The following FOXP1 variants were observed in gnomAD, a reference collection of about 807,000 sequenced individuals.
The protein encoded by FOXP1 is forkhead box P1.
A neutral mutation model predicts 98.2 loss-of-function variants in FOXP1; 15 were observed. The observed-to-expected ratio is 0.15, with a 90% CI of 0.10 to 0.24. The LOEUF (loss-of-function observed/expected upper bound fraction) is 0.24. Ranked by LOEUF, FOXP1 falls within the 10% of genes least tolerant of loss-of-function variation. The pLI, the probability that FOXP1 is intolerant of heterozygous loss-of-function variation, is 1.00. For synonymous variants in FOXP1, 371 were observed against 314.5 expected, an observed-to-expected ratio of 1.18 and a Z score of -1.90; for missense variants, 633 against 848.5, an observed-to-expected ratio of 0.75 and a Z score of 3.15.
At chr3:71,089,968 C>T (rs2055611918) in intron 7 of FOXP1, among the ~76,000 whole-genome samples, 1 of 152,150 alleles carries the variant, frequency 6.6e-6, no homozygotes, top group Admixed American at 6.5e-5. Context: ...ATTGCTTGAA[C>T]TTCTGATTTT....
At chr3:71,437,671 T>C (rs1179831911) in intron 3 of FOXP1, among the ~76,000 whole-genome samples, 1 of 152,068 alleles carries the variant, frequency 6.6e-6, no homozygotes, top group Non-Finnish European at 1.5e-5. Flanking sequence ...CCACCCAGCA[T>C]AAAACGCAAG....
intron 5 of FOXP1, among the ~76,000 whole-genome samples, chr3:71,223,638 T>A (rs1482248092): frequency 7.2e-6 from 1 of 138,644 alleles, no homozygotes; most frequent in African/African-American, 2.8e-5. Context: ...GAGCTTGCAG[T>A]GAGTAGAGAT....
chr3:71,500,249 C>T (rs570555932), intron 2 of FOXP1, among the ~76,000 whole-genome samples: 46 of 152,346 alleles, frequency 3.0e-4, no homozygotes, highest in African/African-American at 1.1e-3. Context: ...TGGGGAATTA[C>T]GTAATTACTT....
intron 6 of FOXP1, among the ~76,000 whole-genome samples, chr3:71,155,607 CT>C (rs1266304923): frequency 2.6e-5 from 4 of 152,214 alleles, no homozygotes; most frequent in Admixed American, 6.5e-5. Context: ...CTAAACAGCA[CT>C]GAAAGAAATC....
At chr3:71,426,479 G>A (rs2084167366) in intron 3 of FOXP1, among the ~76,000 whole-genome samples, 2 of 152,102 alleles carry the variant, frequency 1.3e-5, no homozygotes, top group East Asian at 3.9e-4. Flanking sequence ...TGGAATGAAT[G>A]CACAGGATAA....
intron 6 of FOXP1, among the ~76,000 whole-genome samples, chr3:71,121,442 C>T (rs1311517884): frequency 6.6e-6 from 1 of 151,440 alleles, no homozygotes; most frequent in Non-Finnish European, 1.5e-5. Flanking sequence ...TGACTACAAA[C>T]AGTCAGGAAG....
intron 5 of FOXP1, among the ~76,000 whole-genome samples, chr3:71,264,224 G>A (rs2069428950): frequency 6.6e-6 from 1 of 152,166 alleles, no homozygotes; most frequent in Non-Finnish European, 1.5e-5. Flanking sequence ...CCAAGATCAA[G>A]CCATCCATGT....
intron 14 of FOXP1, among the ~76,000 whole-genome samples, chr3:70,984,985 T>C (rs1003037215): frequency 7.9e-5 from 12 of 152,224 alleles, no homozygotes; most frequent in African/African-American, 1.9e-4. Context: ...GGTTGGATGA[T>C]TGGATACAGC....
chr3:71,076,056 G>A (rs985133169), intron 7 of FOXP1, among the ~76,000 whole-genome samples: 41 of 152,138 alleles, frequency 2.7e-4, no homozygotes, highest in Non-Finnish European at 4.4e-5. Context: ...TCTGCCCCAA[G>A]TGTCAAGAAC....
chr3:71,193,646 G>C (rs2063134068), intron 6 of FOXP1, among the ~76,000 whole-genome samples: 1 of 151,590 alleles, frequency 6.6e-6, no homozygotes, highest in Non-Finnish European at 1.5e-5. Context: ...ATGGGGTTTT[G>C]CCATGTTGGC....
chr3:71,396,918 GTA>G lies in FOXP1; in HGVS notation c.-167-37676_-167-37675del, dbSNP rs1157468185. ...AGTCATAAGGAACATATATATGTGTGTATATATATATATATACACATATATAT... is the reference window on the plus strand; with the variant it reads ...AGTCATAAGGAACATATATATGTGTGTATATATATATATACACATATATAT... On this transcript the variant is annotated intron_variant, in intron 3 of 20. Transcript: ENST00000649528. Among the ~76,000 whole-genome samples the G allele has an allele frequency of 4.0e-3, 227 of 56,666 alleles. 31 individuals are homozygous for G. Among genetic ancestry groups the G allele is most frequent in the South Asian group, 8.9e-3 (20 of 2,238 alleles). The allele number at this position is 56,666 out of a possible 152,430, so 37.2% of individuals were successfully genotyped here. A position where few individuals can be genotyped will look rare whatever the true frequency, so the allele number is the denominator to read the frequency against.
At chr3:71,383,789 G>A (rs116469569) in intron 3 of FOXP1, among the ~76,000 whole-genome samples, 1,706 of 152,260 alleles carry the variant, frequency 0.011, 12 homozygotes, top group Middle Eastern at 0.027. Context: ...CTAAATTGCC[G>A]TTTTTAAGAA....
At chr3:71,492,062 T>G (rs1384727154) in intron 3 of FOXP1, among the ~76,000 whole-genome samples, 1 of 152,166 alleles carries the variant, frequency 6.6e-6, no homozygotes, top group Non-Finnish European at 1.5e-5. Flanking sequence ...ACTTAAGCTG[T>G]CCCATTTGTA....
intron 5 of FOXP1, among the ~76,000 whole-genome samples, chr3:71,293,787 T>A (rs189208106): frequency 2.5e-4 from 38 of 152,318 alleles, no homozygotes. Context: ...TAACTTAAAA[T>A]GCAAACATTT....
At chr3:71,047,157 A>T in intron 9 of FOXP1, 62 bp from the exon 10 acceptor site, 1 of 1,567,846 alleles carries the variant, frequency 6.4e-7, no homozygotes. Flanking sequence ...AAAAGTATGG[A>T]CACTTCAAAA....
intron 6 of FOXP1, among the ~76,000 whole-genome samples, chr3:71,168,735 T>C (rs935265947): frequency 6.6e-6 from 1 of 152,352 alleles, no homozygotes; most frequent in Middle Eastern, 3.4e-3. Context: ...TGTTTAACAA[T>C]TGATAAAATG....
intron 8 of FOXP1, among the ~76,000 whole-genome samples, chr3:71,053,031 T>C (rs1261423250): frequency 6.6e-6 from 1 of 152,096 alleles, no homozygotes; most frequent in Non-Finnish European, 1.5e-5. Flanking sequence ...CTGCATCCTG[T>C]CCCCACCACC....
intron 3 of FOXP1, among the ~76,000 whole-genome samples, chr3:71,361,531 A>G (rs2078569213): frequency 1.3e-5 from 2 of 152,094 alleles, no homozygotes; most frequent in African/African-American, 4.8e-5. Flanking sequence ...ATTTGCTCAC[A>G]CTCGATTGCA....
chr3:71,441,594 C>T (rs148092756), intron 3 of FOXP1, among the ~76,000 whole-genome samples: 105 of 152,320 alleles, frequency 6.9e-4, no homozygotes, highest in Middle Eastern at 3.4e-3. Flanking sequence ...AACAGGGAAC[C>T]ATTTGGAGAG....
Sources: allele counts gnomAD v4.1 joint callset (sites outside exome capture counted in the v4.1 genomes callset), GRCh38; gene constraint gnomAD v4.1.1; transcripts MANE v1.5; gene names NCBI Gene and HGNC (gene_info 2026-07-23, HGNC 2026-07-21).